Variants in SDHB observed in about 807,000 individuals in gnomAD.
SDHB encodes the protein succinate dehydrogenase complex iron sulfur subunit B.
Under a neutral mutation model 39.7 loss-of-function variants are expected in SDHB, and 21 were observed. The ratio of observed to expected loss-of-function variants is 0.53; its 90% CI spans 0.37 to 0.76. The LOEUF is 0.76. SDHB is among the 30% of genes least tolerant of loss of function. The probability of loss-of-function intolerance (pLI) is 0.00; values close to 1 mark genes in which losing one functional copy is unlikely to be tolerated. For synonymous variants in SDHB, 118 were observed against 117.0 expected (o/e 1.01, Z -0.06); for missense variants, 343 against 350.9 (o/e 0.98, Z 0.18).
chr1:17,026,681 G>A (rs1042923695), intron 5 of SDHB, among the ~76,000 whole-genome samples: 2 of 152,150 alleles, frequency 1.3e-5, no homozygotes, highest in African/African-American at 2.4e-5. Flanking sequence ...CTTTCTTAAC[G>A]TTTTATGGGC....
Position 17,052,140 on chromosome 1 carries a change from C to T in SDHB, c.72+1808G>A, listed in dbSNP as rs6586497. 85,559 of 152,128 alleles carry T rather than the reference C, an allele frequency of 0.56. 24,645 individuals carry two copies. The highest frequency in any genetic ancestry group is 0.64 in the Non-Finnish European group (43,604 of 68,048). 9.4% of individuals were successfully genotyped at this position (152,128 alleles called of 1,614,324 possible). A position where few individuals can be genotyped will look rare whatever the true frequency, so the allele number is the denominator to read the frequency against. On this transcript the variant is annotated intron_variant, in intron 1 of 7. Transcript: ENST00000375499. The stretch of plus-strand genomic sequence containing the variant: ...GGAATTACAGGCATGAGCCACTGCA[C>T]CTGGCAAGATACACACTTTTAAGTA...
At chr1:17,053,398 C>T (rs1432871925) in intron 1 of SDHB, among the ~76,000 whole-genome samples, 1 of 152,136 alleles carries the variant, frequency 6.6e-6, no homozygotes, top group African/African-American at 2.4e-5. Flanking sequence ...CACCCACCTC[C>T]GGGATCCTTC....
At chr1:17,043,333 C>T (rs2078092027) in intron 2 of SDHB, among the ~76,000 whole-genome samples, 1 of 152,022 alleles carries the variant, frequency 6.6e-6, no homozygotes, top group Non-Finnish European at 1.5e-5. Flanking sequence ...AATTTCTATT[C>T]CTTTGAATTT....
At chr1:17,046,152 T>G (rs1352542134) in intron 1 of SDHB, among the ~76,000 whole-genome samples, 1 of 152,184 alleles carries the variant, frequency 6.6e-6, no homozygotes, top group African/African-American at 2.4e-5. Flanking sequence ...AAAGTTAAGA[T>G]GAAAGCTATG....
chr1:17,026,387 C>T (rs921480653), intron 5 of SDHB, among the ~76,000 whole-genome samples: 6 of 151,910 alleles, frequency 3.9e-5, no homozygotes, highest in African/African-American at 1.5e-4. Flanking sequence ...TTCTTTGAGA[C>T]GGAGTCTTGC....
chr1:17,023,094 C>T (rs1171194300), intron 6 of SDHB: 2 of 342,538 alleles, frequency 5.8e-6, no homozygotes, highest in Non-Finnish European at 1.2e-5. Flanking sequence ...TGGCACCTAC[C>T]CATGCTGGAC....
chr1:17,030,247 G>A (rs2078015375), intron 3 of SDHB, among the ~76,000 whole-genome samples: 1 of 152,082 alleles, frequency 6.6e-6, no homozygotes, highest in South Asian at 2.1e-4. Flanking sequence ...TATTGCCCAG[G>A]CTGGTCTCTA....
chr1:17,053,330 A>G (rs778679319), intron 1 of SDHB, among the ~76,000 whole-genome samples: 1 of 152,158 alleles, frequency 6.6e-6, no homozygotes, highest in Non-Finnish European at 1.5e-5. Flanking sequence ...CTGAGAGGAT[A>G]CTAGTGAAAC....
At chr1:17,025,185 G>A (rs1276207684) in intron 5 of SDHB, among the ~76,000 whole-genome samples, 1 of 152,118 alleles carries the variant, frequency 6.6e-6, no homozygotes, top group Non-Finnish European at 1.5e-5. Context: ...TATGGCGCAT[G>A]GTGCATACAT....
chr1:17,039,417 A>G (rs1168998766), intron 2 of SDHB, among the ~76,000 whole-genome samples: 1 of 146,562 alleles, frequency 6.8e-6, no homozygotes, highest in Non-Finnish European at 1.5e-5. Flanking sequence ...TGTCTCTACA[A>G]AAAAAAAAAA....
At chr1:17,023,699 G>A (rs942566018) in intron 6 of SDHB, among the ~76,000 whole-genome samples, 2 of 152,194 alleles carry the variant, frequency 1.3e-5, no homozygotes, top group African/African-American at 4.8e-5. Context: ...CTGACCACCA[G>A]GCAAACGGAA....
chr1:17,035,084 T>C (rs916746539), intron 2 of SDHB, among the ~76,000 whole-genome samples: 1 of 152,154 alleles, frequency 6.6e-6, no homozygotes, highest in African/African-American at 2.4e-5. Context: ...TTATATATTA[T>C]ATCTGTTGCC....
intron 2 of SDHB, among the ~76,000 whole-genome samples, chr1:17,034,213 G>A (rs2078037837): frequency 6.6e-6 from 1 of 151,856 alleles, no homozygotes; most frequent in African/African-American, 2.4e-5. Flanking sequence ...GCAGTGGCAC[G>A]ATCTCAGATC....
At chr1:17,024,465 C>T (rs560998204) in intron 5 of SDHB, among the ~76,000 whole-genome samples, 52 of 152,230 alleles carry the variant, frequency 3.4e-4, no homozygotes, top group Non-Finnish European at 7.1e-4. Context: ...GTAGCTGCTT[C>T]TGCCCTGGGC....
chr1:17,054,027 C>G lies in SDHB; in HGVS notation c.-8G>C, dbSNP rs376889033. On this transcript the variant is annotated 5_prime_UTR_variant, in exon 1 of 8. Transcript: ENST00000375499. ...GGCGACCACCGCCGCCATCTTGGCT[C>G]CTGACGTCAGCCCCACCCCTTAACC... 19 of 1,606,996 alleles carry G rather than the reference C, an allele frequency of 1.2e-5. No individual in the cohort carries two copies. Among genetic ancestry groups the G allele is most frequent in the Non-Finnish European group, 1.4e-5 (16 of 1,175,624 alleles).
At chr1:17,049,881 G>A (rs185844074) in intron 1 of SDHB, among the ~76,000 whole-genome samples, 8 of 151,762 alleles carry the variant, frequency 5.3e-5, no homozygotes, top group African/African-American at 7.3e-5. Context: ...TCCTGATGTC[G>A]TGATCCACCT....
chr1:17,027,806 A>T lies in SDHB; in HGVS notation c.483T>A (p.Asp161Glu). The T allele has an allele frequency of 6.2e-7, 1 of 1,613,812 alleles. No homozygotes were observed. Among genetic ancestry groups the T allele is most frequent in the Non-Finnish European group, 8.5e-7 (1 of 1,179,778 alleles). Residue 161 changes from aspartate to glutamate, a missense_variant, in exon 5 of 8, where the codon GAT (aspartate) becomes GAA (glutamate). Transcript: ENST00000375499. ...KSIEPYLKKK[D>E]ESQEGKQQYL... is the part of the protein sequence containing the mutation. ...ACTGCTGCTTGCCTTCCTGAGATTC[A>T]TCCTTCTTCTTCAAATAAGGCTCAA...
At chr1:17,040,800 G>A (rs1171158045) in intron 2 of SDHB, among the ~76,000 whole-genome samples, 1 of 151,794 alleles carries the variant, frequency 6.6e-6, no homozygotes, top group East Asian at 1.9e-4. Flanking sequence ...TCACAGGAGC[G>A]CTTTCCCTTT....
At chr1:17,031,502 T>C (rs2101527059) in intron 3 of SDHB, among the ~76,000 whole-genome samples, 1 of 152,314 alleles carries the variant, frequency 6.6e-6, no homozygotes, top group East Asian at 1.9e-4. Context: ...CTGAAAAGCA[T>C]CTACCTTTCC....
Sources: gnomAD v4.1 joint callset for allele counts (sites outside exome capture counted in the v4.1 genomes callset) on GRCh38, gnomAD v4.1.1 for gene constraint, MANE v1.5 for transcripts, NCBI Gene and HGNC (gene_info 2026-07-23, HGNC 2026-07-21) for gene names.